The following SETD6 variants were observed in gnomAD, a reference collection of about 807,000 sequenced individuals.
The protein encoded by SETD6 is N-lysine methyltransferase SETD6.
Under a neutral mutation model 52.7 loss-of-function variants are expected in SETD6, and 67 were observed. The ratio of observed to expected loss-of-function variants is 1.27; its 90% CI spans 1.04 to 1.56. The LOEUF is 1.56. Ranked by LOEUF, SETD6 falls within the 40% of genes most tolerant of loss-of-function variation. SETD6 has a pLI of 0.00. For synonymous variants in SETD6, 307 were observed against 250.2 expected (o/e 1.23, Z -2.14); for missense variants, 712 against 607.5 (o/e 1.17, Z -1.81).
At position 58,518,500 on chromosome 16, in the gene SETD6, G is replaced by C. The variant is rs778786558; in HGVS notation, c.1073G>C (p.Arg358Thr). The change falls in exon 7 of 8, where the codon AGG (arginine) becomes ACG (threonine). Residue 358 changes from arginine (R) to threonine (T), a missense_variant. By Grantham distance (71) the Arg-to-Thr change is moderately conservative (BLOSUM62 -1). Coordinates refer to ENST00000219315, the MANE Select transcript of SETD6 (RefSeq NM_001160305.4). ...VGEEGAFVIGREEVLTEEELT... is the reference protein window; with the variant it reads ...VGEEGAFVIGTEEVLTEEELT... Reference sequence around the variant, plus strand: ...GAAGAGGGAGCCTTTGTGATAGGGAGGGAGGAGGTGCTGACTGAAGAGGAG... The same window carrying C: ...GAAGAGGGAGCCTTTGTGATAGGGACGGAGGAGGTGCTGACTGAAGAGGAG... The C allele has an allele frequency of 1.3e-6, 2 of 1,592,974 alleles. No homozygotes were observed. Among genetic ancestry groups the C allele is most frequent in the Non-Finnish European group, 1.7e-6 (2 of 1,175,288 alleles).
At position 58,523,663 on chromosome 16, in the gene SETD6, G is replaced by T; in HGVS notation, c.*4634G>T. 3 of 526,882 alleles carry T rather than the reference G, an allele frequency of 5.7e-6. No individual in the cohort carries two copies. Among genetic ancestry groups the T allele is most frequent in the African/African-American group, 1.9e-5 (1 of 52,372 alleles). The allele number at this position is 526,882 out of a possible 1,614,324, so 32.6% of individuals were successfully genotyped here. On this transcript the variant is annotated 3_prime_UTR_variant, in exon 8 of 8. Coordinates refer to ENST00000219315, the MANE Select transcript of SETD6 (RefSeq NM_001160305.4). ...CCCCAAAGAGTTCTCATTTCTGTGCGTTTTATTTCAGAATTTTCCACATTA... is the reference window on the plus strand; with the variant it reads ...CCCCAAAGAGTTCTCATTTCTGTGCTTTTTATTTCAGAATTTTCCACATTA...
rs1287587465 is a variant in SETD6 at position 58,515,877 on chromosome 16, C to T, written c.114C>T (p.Pro38=). 3 of 1,521,712 alleles carry T rather than the reference C, an allele frequency of 2.0e-6. No homozygotes were observed. The highest frequency in any genetic ancestry group is 1.7e-6 in the Non-Finnish European group (2 of 1,143,596). 94.3% of individuals were successfully genotyped at this position (1,521,712 alleles called of 1,614,324 possible). A position where few individuals can be genotyped will look rare whatever the true frequency, so the allele number is the denominator to read the frequency against. ...GGCGGGTGGGGCTGGAGCTGAGTCCCAAGGTGAGCGAGCGAGCCGGCGGGC... is the reference window on the plus strand; with the variant it reads ...GGCGGGTGGGGCTGGAGCTGAGTCCTAAGGTGAGCGAGCGAGCCGGCGGGC... ...WCRRVGLELS[P]KVSERAGGRR... is the part of the protein sequence containing the mutation. The change falls in exon 2 of 8, where the codon CCC becomes CCT. Residue 38 remains proline, a synonymous_variant. Coordinates refer to ENST00000219315, the MANE Select transcript of SETD6 (RefSeq NM_001160305.4).
chr16:58,519,220 T>C lies in SETD6; in HGVS notation c.*191T>C. The C allele has an allele frequency of 1.7e-6, 1 of 589,092 alleles. No homozygotes were observed. Among genetic ancestry groups the C allele is most frequent in the South Asian group, 2.2e-5 (1 of 45,746 alleles). 36.5% of individuals were successfully genotyped at this position (589,092 alleles called of 1,614,324 possible). On this transcript the variant is annotated 3_prime_UTR_variant, in exon 8 of 8. Transcript: ENST00000219315. ...TGTTTTAGGATTGAGAACAGCAGAC[T>C]TGGGAATCACTGCTAATTGTTACTT...
In SETD6 at chr16:58,521,466, C is replaced by T; in HGVS notation, c.*2437C>T. On this transcript the variant is annotated 3_prime_UTR_variant, in exon 8 of 8. Transcript: ENST00000219315. ...GTAAAGACAGGTGGATTAATATACT[C>T]CAAATAGCACAGGTTGGAATACCTG... 2.8e-6 allele frequency: 2 copies of T among 726,004 alleles called. No homozygotes were observed. The highest frequency in any genetic ancestry group is 4.5e-6 in the Non-Finnish European group (2 of 447,702). The allele number at this position is 726,004 out of a possible 1,614,324, so 45.0% of individuals were successfully genotyped here.
Position 58,519,136 on chromosome 16 carries a change from A to G in SETD6, c.*107A>G. ...TTTGGATCTTTCTTTTGCTTACTAA[A>G]CACCAAGAGGAAAAGTAGCAAAGTT... On this transcript the variant is annotated 3_prime_UTR_variant, in exon 8 of 8. Coordinates refer to ENST00000219315, the MANE Select transcript of SETD6 (RefSeq NM_001160305.4). 1 of 1,171,452 alleles carries G rather than the reference A, an allele frequency of 8.5e-7. No homozygotes were observed. The highest frequency in any genetic ancestry group is 1.2e-6 in the Non-Finnish European group (1 of 855,594). The allele number at this position is 1,171,452 out of a possible 1,614,324, so 72.6% of individuals were successfully genotyped here. A position where few individuals can be genotyped will look rare whatever the true frequency, so the allele number is the denominator to read the frequency against.
At position 58,522,057 on chromosome 16, in the gene SETD6, C is replaced by T. The variant is rs576289011; in HGVS notation, c.*3028C>T. Among the ~76,000 whole-genome samples, 6 of 151,628 alleles carry T rather than the reference C, an allele frequency of 4.0e-5. No homozygotes were observed. The highest frequency in any genetic ancestry group is 3.9e-4 in the East Asian group (2 of 5,132). On this transcript the variant is annotated 3_prime_UTR_variant, in exon 8 of 8. Transcript: ENST00000219315. Reference sequence around the variant, plus strand: ...ACTGCAGGCTGGGCACAGTGACTCACGCCTGTAATCCCAGCACTCTGGGAG... The same window carrying T: ...ACTGCAGGCTGGGCACAGTGACTCATGCCTGTAATCCCAGCACTCTGGGAG...
intron 5 of SETD6, chr16:58,517,236 GC>G (rs990179541): frequency 1.8e-5 from 7 of 397,360 alleles, no homozygotes; most frequent in Middle Eastern, 8.1e-4. Flanking sequence ...ACTGTGTGTG[GC>G]TCTGTGGATA....
chr16:58,523,284 G>T lies in SETD6; in HGVS notation c.*4255G>T. On this transcript the variant is annotated 3_prime_UTR_variant, in exon 8 of 8. Coordinates refer to ENST00000219315, the MANE Select transcript of SETD6 (RefSeq NM_001160305.4). The stretch of plus-strand genomic sequence containing the variant: ...AAAACCAACCAAACGGATTTTCACT[G>T]AACACTGAAAGCATAAAGAGGAAAA... 1.5e-6 allele frequency: 2 copies of T among 1,374,874 alleles called. No homozygotes were observed. Among genetic ancestry groups the T allele is most frequent in the South Asian group, 1.6e-5 (1 of 64,382 alleles). The allele number at this position is 1,374,874 out of a possible 1,614,324, so 85.2% of individuals were successfully genotyped here.
Position 58,521,491 on chromosome 16 carries a change from G to A in SETD6, c.*2462G>A, listed in dbSNP as rs1211942159. Reference sequence around the variant, plus strand: ...CCAAATAGCACAGGTTGGAATACCTGGGTTTGAACCCTGCTCTTAGCCGTA... The same window carrying A: ...CCAAATAGCACAGGTTGGAATACCTAGGTTTGAACCCTGCTCTTAGCCGTA... On this transcript the variant is annotated 3_prime_UTR_variant, in exon 8 of 8. Coordinates refer to ENST00000219315, the MANE Select transcript of SETD6 (RefSeq NM_001160305.4). 1.3e-5 allele frequency among the ~76,000 whole-genome samples: 2 copies of A among 152,198 alleles called. No homozygotes were observed. Among genetic ancestry groups the A allele is most frequent in the South Asian group, 2.1e-4 (1 of 4,824 alleles).
At chr16:58,517,829 A>G in intron 5 of SETD6, 1 of 617,318 alleles carries the variant, frequency 1.6e-6, no homozygotes, top group Non-Finnish European at 2.8e-6. Flanking sequence ...AGGACTGTGC[A>G]GAAATCCACC....
intron 3 of SETD6, 45 bp downstream of exon 3, chr16:58,516,388 G>A (rs767849010): frequency 6.5e-7 from 1 of 1,548,124 alleles, no homozygotes; most frequent in Non-Finnish European, 8.6e-7. Context: ...ACCGTAGCCT[G>A]CTGCAAGAAG....
Position 58,518,510 on chromosome 16 carries a change from G to T in SETD6, c.1083G>T (p.Val361=). ...CCTTTGTGATAGGGAGGGAGGAGGTGCTGACTGAAGAGGAGCTGACCACCA... is the reference window on the plus strand; with the variant it reads ...CCTTTGTGATAGGGAGGGAGGAGGTTCTGACTGAAGAGGAGCTGACCACCA... ...EGAFVIGREE[V]LTEEELTTTL... is the part of the protein sequence containing the mutation. The change falls in exon 7 of 8, where the codon GTG becomes GTT. Residue 361 remains valine (V), a synonymous_variant. Transcript: ENST00000219315. The T allele has an allele frequency of 6.3e-7, 1 of 1,593,740 alleles. No individual in the cohort carries two copies. The highest frequency in any genetic ancestry group is 8.5e-7 in the Non-Finnish European group (1 of 1,175,478).
Position 58,520,723 on chromosome 16 carries a change from C to G in SETD6, c.*1694C>G, listed in dbSNP as rs1387013793. On this transcript the variant is annotated 3_prime_UTR_variant, in exon 8 of 8. Transcript: ENST00000219315. ...TCTCTTTCATGTATTTACACAAGTT[C>G]AAAATGATATTCACAGCATCTTCTA... 2 of 546,548 alleles carry G rather than the reference C, an allele frequency of 3.7e-6. No homozygotes were observed. Among genetic ancestry groups the G allele is most frequent in the Admixed American group, 3.1e-5 (1 of 32,462 alleles). 33.9% of individuals were successfully genotyped at this position (546,548 alleles called of 1,614,324 possible).
chr16:58,523,177 G>A lies in SETD6; in HGVS notation c.*4148G>A, dbSNP rs1410265322. The A allele has an allele frequency of 1.0e-5, 4 of 398,618 alleles. No homozygotes were observed. Among genetic ancestry groups the A allele is most frequent in the East Asian group, 4.1e-5 (1 of 24,662 alleles). The allele number at this position is 398,618 out of a possible 1,614,324, so 24.7% of individuals were successfully genotyped here. On this transcript the variant is annotated 3_prime_UTR_variant, in exon 8 of 8. Transcript: ENST00000219315. ...CGAGAATCGCTTGAACCTGGGAGGC[G>A]GAGGTTGCAGTGAGCCAAGATGGCG...
rs746768711 is a variant in SETD6, at chr16:58,516,071, G to C, written c.308G>C (p.Cys103Ser). ...PRAALLSQHT[C>S]SIGGLLERER... ...GCCGCGCTCCTGTCGCAGCACACCT[G>C]CTCCATCGGCGGCCTGCTGGAGCGA... is the stretch of plus-strand genomic sequence containing the variant. The change falls in exon 2 of 8, where the codon TGC becomes TCC. Residue 103 changes from cysteine to serine, a missense_variant. Cys to Ser is a moderately radical substitution (Grantham distance 112). Coordinates refer to ENST00000219315, the MANE Select transcript of SETD6 (RefSeq NM_001160305.4). 6 of 1,453,466 alleles carry C rather than the reference G, an allele frequency of 4.1e-6. No homozygotes were observed. Among genetic ancestry groups the C allele is most frequent in the Non-Finnish European group, 3.6e-6 (4 of 1,111,182 alleles). 90.0% of individuals were successfully genotyped at this position (1,453,466 alleles called of 1,614,324 possible). A position where few individuals can be genotyped will look rare whatever the true frequency, so the allele number is the denominator to read the frequency against.
chr16:58,518,343 A>G, intron 6 of SETD6, 58 bp from the exon 7 acceptor site: 1 of 1,589,180 alleles, frequency 6.3e-7, no homozygotes, highest in Non-Finnish European at 8.6e-7. Context: ...GTGGCAGACT[A>G]AAGAAGAAAT....
rs1356794941 is a variant in SETD6, at chr16:58,519,088, T to C, written c.*59T>C. 1.1e-5 allele frequency: 16 copies of C among 1,478,330 alleles called. No individual in the cohort carries two copies. The highest frequency in any genetic ancestry group is 7.1e-5 in the African/African-American group (5 of 70,874). 91.6% of individuals were successfully genotyped at this position (1,478,330 alleles called of 1,614,324 possible). A position where few individuals can be genotyped will look rare whatever the true frequency, so the allele number is the denominator to read the frequency against. Reference sequence around the variant, plus strand: ...GAACTTTATTCTAAGCTAATACTCATTGATGTTTGAAAAAGAGGAAAATTT... The same window carrying C: ...GAACTTTATTCTAAGCTAATACTCACTGATGTTTGAAAAAGAGGAAAATTT... On this transcript the variant is annotated 3_prime_UTR_variant, in exon 8 of 8. Transcript: ENST00000219315.
chr16:58,523,327 G>A lies in SETD6; in HGVS notation c.*4298G>A. 6.5e-7 allele frequency: 1 copy of A among 1,534,866 alleles called. No individual in the cohort carries two copies. The highest frequency in any genetic ancestry group is 1.3e-5 in the South Asian group (1 of 78,730). On this transcript the variant is annotated 3_prime_UTR_variant, in exon 8 of 8. Transcript: ENST00000219315. Reference sequence around the variant, plus strand: ...GAGGAAAAAAAAAAGATGAAAGGGAGGAGATCCTTTTGAAGCATTTAAAAA... The same window carrying A: ...GAGGAAAAAAAAAAGATGAAAGGGAAGAGATCCTTTTGAAGCATTTAAAAA...
In SETD6 at chr16:58,515,991, C is replaced by T. The variant is rs762721130; in HGVS notation, c.228C>T (p.Gly76=). ...VSRQGTVAGY[G]MVARESVQAG... is the part of the protein sequence containing the mutation. ...GGCAGGGCACGGTGGCCGGCTACGGCATGGTGGCCCGGGAGAGCGTGCAGG... is the reference window on the plus strand; with the variant it reads ...GGCAGGGCACGGTGGCCGGCTACGGTATGGTGGCCCGGGAGAGCGTGCAGG... Residue 76 remains glycine, a synonymous_variant, in exon 2 of 8, where the codon GGC becomes GGT. Transcript: ENST00000219315. 1.9e-6 allele frequency: 3 copies of T among 1,541,832 alleles called. No homozygotes were observed. The highest frequency in any genetic ancestry group is 2.8e-5 in the African/African-American group (2 of 70,676).
Sources: gnomAD v4.1 joint callset for allele counts (sites outside exome capture counted in the v4.1 genomes callset) on GRCh38, gnomAD v4.1.1 for gene constraint, MANE v1.5 for transcripts, NCBI Gene and HGNC (gene_info 2026-07-23, HGNC 2026-07-21) for gene names.